Variants in RTN4RL1 observed in about 807,000 individuals in gnomAD.
RTN4RL1 encodes the protein reticulon-4 receptor-like 1.
A neutral mutation model predicts 25.6 loss-of-function variants in RTN4RL1; 7 were observed. The ratio of observed to expected loss-of-function variants is 0.27; its 90% CI spans 0.16 to 0.51. RTN4RL1 has a LOEUF of 0.51. Among genes scored for constraint, RTN4RL1 ranks in the 20% least tolerant of loss-of-function variants. The probability of loss-of-function intolerance (pLI) is 0.97; values close to 1 mark genes in which losing one functional copy is unlikely to be tolerated. For synonymous variants in RTN4RL1, 297 were observed against 288.2 expected (o/e 1.03, Z -0.31); for missense variants, 500 against 615.6 (o/e 0.81, Z 1.99).
intron 1 of RTN4RL1, among the ~76,000 whole-genome samples, chr17:1,964,222 C>T (rs1430137453): frequency 6.6e-6 from 1 of 152,190 alleles, no homozygotes; most frequent in Non-Finnish European, 1.5e-5. Flanking sequence ...ATAAAAATAC[C>T]TCATGAATAA....
chr17:1,962,064 T>C (rs1439351269), intron 1 of RTN4RL1, among the ~76,000 whole-genome samples: 2 of 151,046 alleles, frequency 1.3e-5, no homozygotes, highest in Non-Finnish European at 2.9e-5. Context: ...AGAGGATCAC[T>C]TGAGTCCAGG....
chr17:2,024,074 G>A (rs971016342), intron 1 of RTN4RL1, among the ~76,000 whole-genome samples: 24 of 152,266 alleles, frequency 1.6e-4, no homozygotes, highest in African/African-American at 5.3e-4. Flanking sequence ...GCCCCGCGTG[G>A]CAACCACGTG....
intron 1 of RTN4RL1, among the ~76,000 whole-genome samples, chr17:1,965,277 G>A (rs902737483): frequency 2.7e-5 from 4 of 150,176 alleles, no homozygotes; most frequent in Non-Finnish European, 4.4e-5. Flanking sequence ...TGCCCAGCTC[G>A]TTTTTCGTAT....
intron 1 of RTN4RL1, among the ~76,000 whole-genome samples, chr17:1,954,541 C>T (rs1276789244): frequency 6.6e-6 from 1 of 152,140 alleles, no homozygotes; most frequent in Non-Finnish European, 1.5e-5. Context: ...GTGCTCACCA[C>T]CACGCCAAGC....
chr17:1,940,343 G>A (rs943827082), intron 1 of RTN4RL1, among the ~76,000 whole-genome samples: 4 of 152,180 alleles, frequency 2.6e-5, no homozygotes, highest in African/African-American at 9.7e-5. Context: ...GGGCCAAGCC[G>A]TGCTCTCTGT....
chr17:1,996,895 G>A (rs530404706), intron 1 of RTN4RL1, among the ~76,000 whole-genome samples: 1 of 152,306 alleles, frequency 6.6e-6, no homozygotes, highest in South Asian at 2.1e-4. Context: ...AAGAACCCAG[G>A]AGCAGGCTAT....
chr17:1,959,966 C>T (rs969756456), intron 1 of RTN4RL1, among the ~76,000 whole-genome samples: 2 of 152,060 alleles, frequency 1.3e-5, no homozygotes, highest in East Asian at 1.9e-4. Context: ...GGCACTGCCA[C>T]GTTAGTATCT....
At chr17:1,943,828 C>T (rs999959002) in intron 1 of RTN4RL1, among the ~76,000 whole-genome samples, 7 of 152,182 alleles carry the variant, frequency 4.6e-5, no homozygotes, top group Non-Finnish European at 8.8e-5. Context: ...TATTGCTGGA[C>T]GTGGGGCGTG....
chr17:2,012,860 C>T (rs1430500376), intron 1 of RTN4RL1, among the ~76,000 whole-genome samples: 2 of 151,156 alleles, frequency 1.3e-5, no homozygotes, highest in Admixed American at 6.6e-5. Context: ...GTGGCATGAT[C>T]TCGGCTCACC....
chr17:1,945,068 T>C (rs1028953524), intron 1 of RTN4RL1, among the ~76,000 whole-genome samples: 4 of 152,200 alleles, frequency 2.6e-5, no homozygotes, highest in African/African-American at 9.6e-5. Flanking sequence ...CCAGGGATGC[T>C]CCACCTCTAG....
At chr17:1,938,848 C>A (rs188827755) in intron 1 of RTN4RL1, among the ~76,000 whole-genome samples, 1 of 149,872 alleles carries the variant, frequency 6.7e-6, no homozygotes, top group Non-Finnish European at 1.5e-5. Context: ...GTCAGGAGTT[C>A]AACACCACCC....
intron 1 of RTN4RL1, among the ~76,000 whole-genome samples, chr17:1,956,461 G>A (rs993858148): frequency 6.6e-6 from 1 of 152,138 alleles, no homozygotes; most frequent in Admixed American, 6.5e-5. Flanking sequence ...GTTCCAGCCA[G>A]AAGCAGTAGT....
In RTN4RL1 at chr17:1,940,029, G is replaced by A. The variant is rs368973723; in HGVS notation, c.14-2221C>T. 1.1e-3 allele frequency among the ~76,000 whole-genome samples: 168 copies of A among 152,296 alleles called. 2 individuals are homozygous for A. The South Asian group carries it at 0.024, about 22-fold the overall frequency. On this transcript the variant is annotated intron_variant, in intron 1 of 1. Transcript: ENST00000331238. ...CCACTCTCGGGCCAGCCCTGCTCCCGGCCTCGTGCCGCTGCCTGCCCAGGC... is the reference window on the plus strand; with the variant it reads ...CCACTCTCGGGCCAGCCCTGCTCCCAGCCTCGTGCCGCTGCCTGCCCAGGC...
At chr17:1,949,715 G>A (rs1485926856) in intron 1 of RTN4RL1, among the ~76,000 whole-genome samples, 1 of 152,184 alleles carries the variant, frequency 6.6e-6, no homozygotes. Flanking sequence ...CCCTCCTGGG[G>A]CCTACATTCT....
In RTN4RL1 at chr17:2,024,845, C is replaced by T. The variant is rs2067252278; in HGVS notation, c.13+8G>A. 5.7e-6 allele frequency: 9 copies of T among 1,580,224 alleles called. No homozygotes were observed. The highest frequency in any genetic ancestry group is 6.0e-6 in the Non-Finnish European group (7 of 1,164,116). On this transcript the variant is annotated splice_region_variant and intron_variant, in intron 1 of 1. Transcript: ENST00000331238. Reference sequence around the variant, plus strand: ...CAACTTCAACTTGCCCCTGCGGCTCCAACTCACCTTTGCGAAGCATGTTGG... The same window carrying T: ...CAACTTCAACTTGCCCCTGCGGCTCTAACTCACCTTTGCGAAGCATGTTGG...
chr17:1,966,878 T>A (rs570341059), intron 1 of RTN4RL1, among the ~76,000 whole-genome samples: 5 of 152,262 alleles, frequency 3.3e-5, no homozygotes, highest in African/African-American at 1.2e-4. Flanking sequence ...CCTCACTGCC[T>A]TCAGGGGCCC....
At chr17:2,005,091 G>A (rs1333402686) in intron 1 of RTN4RL1, among the ~76,000 whole-genome samples, 1 of 152,048 alleles carries the variant, frequency 6.6e-6, no homozygotes, top group South Asian at 2.1e-4. Context: ...CTGTAGCCTC[G>A]ACCTCCTGGG....
intron 1 of RTN4RL1, among the ~76,000 whole-genome samples, chr17:1,965,896 C>A (rs1289179134): frequency 6.6e-6 from 1 of 152,134 alleles, no homozygotes. Flanking sequence ...TCCCCCCACC[C>A]CTGAGAGGGA....
At chr17:1,960,619 CA>C (rs1166662176) in intron 1 of RTN4RL1, among the ~76,000 whole-genome samples, 1 of 152,202 alleles carries the variant, frequency 6.6e-6, no homozygotes, top group Non-Finnish European at 1.5e-5. Flanking sequence ...CACTGGCACG[CA>C]GCATATTCGC....
Sources: gnomAD v4.1 joint callset for allele counts (sites outside exome capture counted in the v4.1 genomes callset) on GRCh38, gnomAD v4.1.1 for gene constraint, MANE v1.5 for transcripts, NCBI Gene and HGNC (gene_info 2026-07-23, HGNC 2026-07-21) for gene names.